Variants in SPATA22 observed in about 807,000 individuals in gnomAD.
The protein encoded by SPATA22 is spermatogenesis associated 22, also known as spermatogenesis-associated protein 22.
A neutral mutation model predicts 47.8 loss-of-function variants in SPATA22; 29 were observed. The ratio of observed to expected loss-of-function variants is 0.61; its 90% CI spans 0.45 to 0.83. The LOEUF (loss-of-function observed/expected upper bound fraction) is 0.83. Ranked by LOEUF, SPATA22 falls within the 40% of genes least tolerant of loss-of-function variation. The pLI is 0.00. For synonymous variants in SPATA22, 133 were observed against 140.9 expected, an observed-to-expected ratio of 0.94 and a Z score of 0.40; for missense variants, 410 against 421.7, an observed-to-expected ratio of 0.97 and a Z score of 0.24.
At chr17:3,473,101 T>C (rs2073469833), upstream of SPATA22, among the ~76,000 whole-genome samples, 1 of 140,852 alleles carries the variant, frequency 7.1e-6, no homozygotes, top group South Asian at 2.2e-4. Context: ...CAAAAATAGA[T>C]TTTTCATTAA....
At position 3,455,370 on chromosome 17, in the gene SPATA22, C is replaced by T. The variant is rs1186974131; in HGVS notation, c.330-6221G>A. Among the ~76,000 whole-genome samples the T allele has an allele frequency of 4.0e-5, 6 of 151,536 alleles. No individual in the cohort carries two copies. The East Asian group carries it at 1.2e-3, about 29-fold the overall frequency. On this transcript the variant is annotated intron_variant, in intron 5 of 8. Transcript: ENST00000572969. The stretch of plus-strand genomic sequence containing the variant: ...GTGTTTTAGACATGAAGTCCTTGCC[C>T]ATGCCTATGTCCTGAATGGTAATGC...
chr17:3,506,253 C>A (rs1384602631), intron 1 of SPATA22, among the ~76,000 whole-genome samples: 1 of 152,208 alleles, frequency 6.6e-6, no homozygotes, highest in African/African-American at 2.4e-5. Context: ...TCGCCCAGGG[C>A]TGCCCCATCA....
At chr17:3,506,694 C>T (rs569532073) in intron 1 of SPATA22, among the ~76,000 whole-genome samples, 65 of 152,266 alleles carry the variant, frequency 4.3e-4, no homozygotes, top group Admixed American at 7.8e-4. Flanking sequence ...AATCCCAGCA[C>T]GTCGGGAGGC....
At chr17:3,506,106 T>G (rs1338153351) in intron 1 of SPATA22, among the ~76,000 whole-genome samples, 1 of 152,168 alleles carries the variant, frequency 6.6e-6, no homozygotes, top group Admixed American at 6.5e-5. Context: ...TTCAAGAGGC[T>G]TGTGATCTAC....
intron 1 of SPATA22, chr17:3,498,830 C>T: frequency 5.1e-6 from 7 of 1,380,244 alleles, no homozygotes; most frequent in Non-Finnish European, 6.7e-6. Context: ...TAGAGTCTGA[C>T]ATAAATTTTT....
At chr17:3,511,229 A>C (rs1049645625) in intron 1 of SPATA22, 2 of 152,200 alleles carry the variant, frequency 1.3e-5, no homozygotes, top group African/African-American at 2.4e-5. Context: ...ATTTTCAACT[A>C]GTCATAGGGA....
At chr17:3,503,728 G>A (rs1355979862) in intron 1 of SPATA22, among the ~76,000 whole-genome samples, 1 of 151,958 alleles carries the variant, frequency 6.6e-6, no homozygotes, top group African/African-American at 2.4e-5. Context: ...ATAACATATT[G>A]CTGTGTGGTT....
chr17:3,457,573 A>G (rs1263959804), intron 5 of SPATA22, among the ~76,000 whole-genome samples: 1 of 152,214 alleles, frequency 6.6e-6, no homozygotes, highest in Non-Finnish European at 1.5e-5. Flanking sequence ...TCCTGATTTC[A>G]AGTTATACCT....
intron 1 of SPATA22, chr17:3,481,537 CTTA>C: frequency 1.4e-6 from 2 of 1,448,482 alleles, no homozygotes; most frequent in East Asian, 2.4e-5. Flanking sequence ...ACACTGTGTT[CTTA>C]TTATATGTTT....
chr17:3,493,837 C>G (rs938702793), intron 1 of SPATA22, among the ~76,000 whole-genome samples: 1 of 152,124 alleles, frequency 6.6e-6, no homozygotes, highest in African/African-American at 2.4e-5. Context: ...TTTTTCAGTT[C>G]TGTTTTCTAC....
intron 3 of SPATA22, among the ~76,000 whole-genome samples, chr17:3,465,389 T>G (rs1256318554): frequency 6.6e-6 from 1 of 151,820 alleles, no homozygotes; most frequent in Non-Finnish European, 1.5e-5. Flanking sequence ...CGTGTCAGTG[T>G]AGAAAGAAGT....
At position 3,494,333 on chromosome 17, in the gene SPATA22, T is replaced by G; in HGVS notation, c.-74+19079A>C. On this transcript the variant is annotated intron_variant, in intron 1 of 8. Coordinates refer to the SPATA22 transcript ENST00000541913. ...GATGTTTTTAGTTGCCATTGATACA[T>G]ATTGTTTTTGTCATAGGAAAAGAAT... The G allele has an allele frequency of 3.2e-6, 5 of 1,562,996 alleles. No individual in the cohort carries two copies. Among genetic ancestry groups the G allele is most frequent in the Non-Finnish European group, 3.5e-6 (4 of 1,133,668 alleles).
intron 1 of SPATA22, chr17:3,498,816 T>C (rs1305364677): frequency 7.6e-6 from 10 of 1,310,088 alleles, no homozygotes; most frequent in African/African-American, 4.5e-5. Context: ...ATTTGTTAGT[T>C]GTCTAGAGTC....
In SPATA22 at chr17:3,443,369, C is replaced by T. The variant is rs1034038361; in HGVS notation, c.803-98G>A. On this transcript the variant is annotated intron_variant, in intron 7 of 8. Coordinates refer to ENST00000572969, the MANE Select transcript of SPATA22 (RefSeq NM_001170698.2). The stretch of plus-strand genomic sequence containing the variant: ...ATGTTTAAATAACTATCCATATCAA[C>T]CTCTCATAGTGCTATTTATATAGCA... 3 of 763,524 alleles carry T rather than the reference C, an allele frequency of 3.9e-6. No individual in the cohort carries two copies. In the African/African-American group the frequency reaches 5.4e-5, roughly 14 times the overall value. The allele number at this position is 763,524 out of a possible 1,614,324, so 47.3% of individuals were successfully genotyped here.
intron 7 of SPATA22, 80 bp downstream of exon 7, chr17:3,446,392 G>T: frequency 1.4e-6 from 2 of 1,396,684 alleles, no homozygotes; most frequent in Non-Finnish European, 1.9e-6. Context: ...TGTTTTATTT[G>T]GAAGAAAAAG....
intron 1 of SPATA22, chr17:3,489,450 A>G: frequency 1.1e-6 from 1 of 938,714 alleles, no homozygotes. Flanking sequence ...TGCTTTTTAA[A>G]ATTTTTATTC....
At chr17:3,477,333 C>T (rs549839501) in intron 1 of SPATA22, among the ~76,000 whole-genome samples, 3 of 152,272 alleles carry the variant, frequency 2.0e-5, no homozygotes, top group Admixed American at 6.5e-5. Context: ...TTGCATACAA[C>T]GTAAGCAGTC....
chr17:3,494,037 ATTTT>A (rs5818896), intron 1 of SPATA22, among the ~76,000 whole-genome samples: 2 of 137,208 alleles, frequency 1.5e-5, no homozygotes, highest in Admixed American at 7.2e-5. Flanking sequence ...CTTTTTCCAG[ATTTT>A]TTTTTTTTTT....
chr17:3,460,555 G>A (rs79652813), intron 5 of SPATA22, among the ~76,000 whole-genome samples: 1,922 of 152,120 alleles, frequency 0.013, 35 homozygotes, highest in African/African-American at 0.043. Context: ...TTGGGAGGCT[G>A]AGGTGAGGGA....
Sources: gnomAD v4.1 joint callset for allele counts (sites outside exome capture counted in the v4.1 genomes callset) on GRCh38, gnomAD v4.1.1 for gene constraint, MANE v1.5 for transcripts, NCBI Gene and HGNC (gene_info 2026-07-23, HGNC 2026-07-21) for gene names.